The following FREM2 variants were observed in gnomAD, a reference collection of about 807,000 sequenced individuals.
The protein encoded by FREM2 is FRAS1 related extracellular matrix 2.
FREM2 carries 119 observed loss-of-function variants against 219.9 expected under a neutral mutation model. That is an observed-to-expected ratio of 0.54 (90% CI 0.47 to 0.63). FREM2 has a LOEUF of 0.63. Ranked by LOEUF, FREM2 falls within the 30% of genes least tolerant of loss-of-function variation. The pLI, the probability that FREM2 is intolerant of heterozygous loss-of-function variation, is 0.00. For missense variants in FREM2, 4,030 were observed against 3,993.6 expected (o/e 1.01, Z -0.25); for synonymous variants, 1,562 against 1,522.8 (o/e 1.03, Z -0.60).
chr13:38,688,439 T>C lies in FREM2; in HGVS notation c.1095T>C (p.Pro365=). 1 of 1,614,086 alleles carries C rather than the reference T, an allele frequency of 6.2e-7. No individual in the cohort carries two copies. Among genetic ancestry groups the C allele is most frequent in the South Asian group, 1.1e-5 (1 of 91,066 alleles). Reference sequence around the variant, plus strand: ...TCAACCTTACTTCTCCATTCCAGCCTGGCCAGGGCTACTTGGTGAGCACCG... The same window carrying C: ...TCAACCTTACTTCTCCATTCCAGCCCGGCCAGGGCTACTTGGTGAGCACCG... ...LIFNLTSPFQ[P]GQGYLVSTDD... The change falls in exon 1 of 24, where the codon CCT becomes CCC. Residue 365 remains proline (P), a synonymous_variant. Coordinates refer to ENST00000280481, the MANE Select transcript of FREM2 (RefSeq NM_207361.6).
chr13:38,687,583 G>C lies in FREM2; in HGVS notation c.239G>C (p.Arg80Pro). The C allele has an allele frequency of 6.2e-7, 1 of 1,606,802 alleles. No homozygotes were observed. The highest frequency in any genetic ancestry group is 8.5e-7 in the Non-Finnish European group (1 of 1,176,628). The part of the protein sequence containing the change: ...EAIVLANRGL[R>P]VPFGREVWLD... ...ATAGTGCTGGCGAACCGCGGACTCC[G>C]GGTGCCTTTCGGCCGTGAAGTCTGG... Residue 80 changes from arginine to proline, a missense_variant, in exon 1 of 24, where the codon CGG (arginine) becomes CCG (proline). Arg to Pro is a moderately radical substitution (Grantham distance 103, BLOSUM62 -2). Coordinates refer to ENST00000280481, the MANE Select transcript of FREM2 (RefSeq NM_207361.6).
intron 4 of FREM2, among the ~76,000 whole-genome samples, chr13:38,777,931 G>A (rs1050375474): frequency 5.3e-5 from 8 of 152,152 alleles, no homozygotes; most frequent in African/African-American, 1.7e-4. Context: ...CAGAGCGAAG[G>A]GCACAGCCCA....
chr13:38,784,577 C>A lies in FREM2; in HGVS notation c.5788C>A (p.Pro1930Thr). 6.2e-7 allele frequency: 1 copy of A among 1,614,140 alleles called. No homozygotes were observed. Among genetic ancestry groups the A allele is most frequent in the Non-Finnish European group, 8.5e-7 (1 of 1,179,990 alleles). ...TQQGTATGTVPTSVLSYSDYI... is the reference protein window; with the variant it reads ...TQQGTATGTVTTSVLSYSDYI... ...TCCAGGAACAGCAACTGGAACTGTG[C>A]CGACTTCCGTGTTGTCTTACTCTGA... Residue 1930 changes from proline (P) to threonine (T), a missense_variant, in exon 6 of 24, where the codon CCG becomes ACG. Pro to Thr is a conservative substitution (Grantham distance 38). This residue lies in a region of FREM2 where 3,102 missense variants were observed against 2,950.7 expected (regional missense o/e 1.05). Coordinates refer to ENST00000280481, the MANE Select transcript of FREM2 (RefSeq NM_207361.6).
chr13:38,692,528 T>G lies in FREM2; in HGVS notation c.5173+11T>G, dbSNP rs762231354. ...CTCAGTTCACACAAGGTATGTTTCATGTTTCTTTTCTTGGTTATCCTTGTT... is the reference window on the plus strand; with the variant it reads ...CTCAGTTCACACAAGGTATGTTTCAGGTTTCTTTTCTTGGTTATCCTTGTT... On this transcript the variant is annotated intron_variant, in intron 1 of 23. Coordinates refer to ENST00000280481, the MANE Select transcript of FREM2 (RefSeq NM_207361.6). 1 of 1,606,832 alleles carries G rather than the reference T, an allele frequency of 6.2e-7. No individual in the cohort carries two copies. Among genetic ancestry groups the G allele is most frequent in the African/African-American group, 1.3e-5 (1 of 75,066 alleles).
At chr13:38,715,329 A>G (rs1007865299) in intron 2 of FREM2, among the ~76,000 whole-genome samples, 6 of 152,230 alleles carry the variant, frequency 3.9e-5, no homozygotes, top group Admixed American at 1.3e-4. Flanking sequence ...TTCAAAAAGT[A>G]GGGAAGGGTG....
rs773823366 is a variant in FREM2, at chr13:38,687,879, C to G, written c.535C>G (p.Leu179Val). The G allele has an allele frequency of 1.2e-5, 19 of 1,576,940 alleles. No homozygotes were observed. The African/African-American group carries it at 2.4e-4, about 20-fold the overall frequency. The part of the protein sequence containing the change: ...VLEVEVVFTQ[L>V]EVVTRNLPLV... Reference sequence around the variant, plus strand: ...GGAGGTGGAGGTGGTCTTCACCCAGCTGGAGGTTGTGACTCGGAACTTGCC... The same window carrying G: ...GGAGGTGGAGGTGGTCTTCACCCAGGTGGAGGTTGTGACTCGGAACTTGCC... The change falls in exon 1 of 24, where the codon CTG (leucine) becomes GTG (valine). Residue 179 changes from leucine (L) to valine (V), a missense_variant. Physicochemically the swap from Leu to Val is conservative, Grantham distance 32 (BLOSUM62 1). This residue lies in a region of FREM2 where 3,102 missense variants were observed against 2,950.7 expected (regional missense o/e 1.05). Coordinates refer to ENST00000280481, the MANE Select transcript of FREM2 (RefSeq NM_207361.6).
At chr13:38,861,352 G>T (rs1877752335) in intron 14 of FREM2, 79 bp from the exon 15 acceptor site, 9 of 1,424,888 alleles carry the variant, frequency 6.3e-6, no homozygotes, top group Non-Finnish European at 7.9e-6. Flanking sequence ...AAAAATAATA[G>T]CTCCTATTTT....
At chr13:38,878,621 A>G (rs1166199960) in intron 22 of FREM2, among the ~76,000 whole-genome samples, 1 of 151,942 alleles carries the variant, frequency 6.6e-6, no homozygotes, top group Non-Finnish European at 1.5e-5. Context: ...TCAATCTATG[A>G]TCATGCTACT....
chr13:38,819,408 A>G (rs182687102), intron 6 of FREM2, among the ~76,000 whole-genome samples: 5 of 152,298 alleles, frequency 3.3e-5, no homozygotes, highest in Admixed American at 3.3e-4. Context: ...ACCATTTTGT[A>G]TAATTTACAC....
intron 2 of FREM2, among the ~76,000 whole-genome samples, chr13:38,699,295 T>C (rs927289275): frequency 1.3e-5 from 2 of 151,764 alleles, no homozygotes; most frequent in South Asian, 2.1e-4. Context: ...TTTAATAAAA[T>C]ATTTTGCTTT....
intron 2 of FREM2, among the ~76,000 whole-genome samples, chr13:38,754,894 T>G (rs1366390636): frequency 7.8e-6 from 1 of 128,148 alleles, no homozygotes; most frequent in African/African-American, 3.0e-5. Context: ...ATGATGATGA[T>G]GATGATGATT....
At chr13:38,722,351 C>T (rs907174037) in intron 2 of FREM2, among the ~76,000 whole-genome samples, 5 of 150,582 alleles carry the variant, frequency 3.3e-5, no homozygotes, top group Admixed American at 6.6e-5. Flanking sequence ...TGAGCTATCT[C>T]GTCCAGCCCA....
intron 2 of FREM2, among the ~76,000 whole-genome samples, chr13:38,725,300 G>T (rs779118408): frequency 3.9e-5 from 6 of 152,158 alleles, no homozygotes; most frequent in Non-Finnish European, 8.8e-5. Context: ...TTACATACAT[G>T]GGAAACAAGT....
rs66522920 is a variant in FREM2, at chr13:38,861,416, T to TG, written c.7520-15_7520-14insG. 11 of 1,074,098 alleles carry TG rather than the reference T, an allele frequency of 1.0e-5. No individual in the cohort carries two copies. Among genetic ancestry groups the TG allele is most frequent in the Non-Finnish European group, 1.4e-5 (11 of 768,154 alleles). The allele number at this position is 1,074,098 out of a possible 1,614,324, so 66.5% of individuals were successfully genotyped here. On this transcript the variant is annotated splice_polypyrimidine_tract_variant and intron_variant, in intron 14 of 23. Coordinates refer to ENST00000280481, the MANE Select transcript of FREM2 (RefSeq NM_207361.6). ...ACCTTCTTTTCGCATAAATATGGTC[T>TG]TTTTTTTTTTCAAGGTCTTTGTCAG...
At chr13:38,770,939 T>A (rs1873638811) in intron 4 of FREM2, among the ~76,000 whole-genome samples, 1 of 151,900 alleles carries the variant, frequency 6.6e-6, no homozygotes, top group Non-Finnish European at 1.5e-5. Flanking sequence ...TAGAAACATC[T>A]AAAGCTAGGA....
chr13:38,791,340 C>T (rs917698188), intron 6 of FREM2, among the ~76,000 whole-genome samples: 1 of 152,180 alleles, frequency 6.6e-6, no homozygotes, highest in Non-Finnish European at 1.5e-5. Flanking sequence ...TTAAAAGTCT[C>T]TCATGTATCT....
chr13:38,856,344 G>A, intron 12 of FREM2, 88 bp downstream of exon 12: 1 of 1,236,008 alleles, frequency 8.1e-7, no homozygotes, highest in Non-Finnish European at 1.2e-6. Flanking sequence ...ACAACAAAAT[G>A]AGGAGACTTT....
At chr13:38,809,157 G>A (rs1875375339) in intron 6 of FREM2, among the ~76,000 whole-genome samples, 1 of 150,836 alleles carries the variant, frequency 6.6e-6, no homozygotes. Context: ...TCTTCTGCTT[G>A]ATCTAGTTTA....
rs774829683 is a variant in FREM2, at chr13:38,880,845, A to G, written c.*58A>G. On this transcript the variant is annotated 3_prime_UTR_variant, in exon 24 of 24. Transcript: ENST00000280481. ...GTGCCTCGGAAAAGATCACAATGGA[A>G]CCTTAAATACTTCTGGTAAACCATA... 1.1e-5 allele frequency: 17 copies of G among 1,578,776 alleles called. No homozygotes were observed. Among genetic ancestry groups the G allele is most frequent in the Non-Finnish European group, 1.4e-5 (16 of 1,150,106 alleles).
Sources: gnomAD v4.1 joint callset for allele counts (sites outside exome capture counted in the v4.1 genomes callset) on GRCh38, gnomAD v4.1.1 for gene constraint, gnomAD v4.1.1 regional missense constraint, MANE v1.5 for transcripts, NCBI Gene and HGNC (gene_info 2026-07-23, HGNC 2026-07-21) for gene names.